Variants in NUP153 observed in about 807,000 individuals in gnomAD.
NUP153 encodes nuclear pore complex protein Nup153.
In NUP153, 27 loss-of-function variants were observed where a neutral mutation model predicts 134.6. That is an observed-to-expected ratio of 0.20 (90% CI 0.15 to 0.28). The LOEUF (loss-of-function observed/expected upper bound fraction) is 0.28, where lower values mean the gene tolerates loss of function less well. Among genes scored for constraint, NUP153 ranks in the 10% least tolerant of loss-of-function variants. NUP153 has a pLI of 1.00. For missense variants in NUP153, 1,821 were observed against 1,731.3 expected (o/e 1.05, Z -0.92); for synonymous variants, 640 against 623.5 (o/e 1.03, Z -0.40).
chr6:17,646,168 G>C lies in NUP153; in HGVS notation c.1633-14C>G. On this transcript the variant is annotated splice_polypyrimidine_tract_variant and intron_variant, in intron 13 of 21. Coordinates refer to ENST00000262077, the MANE Select transcript of NUP153 (RefSeq NM_005124.4). ...TGTAAATCCAATCTGTAAAGAGAAA[G>C]AATATCCTTATACTTCGTTTTCAAT... is the stretch of plus-strand genomic sequence containing the variant. The C allele has an allele frequency of 2.1e-6, 3 of 1,407,212 alleles. No homozygotes were observed. Among genetic ancestry groups the C allele is most frequent in the South Asian group, 2.3e-5 (2 of 85,686 alleles). 87.2% of individuals were successfully genotyped at this position (1,407,212 alleles called of 1,614,324 possible). A position where few individuals can be genotyped will look rare whatever the true frequency, so the allele number is the denominator to read the frequency against.
At chr6:17,657,975 G>A (rs116590042) in intron 11 of NUP153, among the ~76,000 whole-genome samples, 2,527 of 152,318 alleles carry the variant, frequency 0.017, 23 homozygotes, top group Non-Finnish European at 0.024. Flanking sequence ...TTAGACAAAA[G>A]ACAAGTTCGA....
intron 17 of NUP153, 74 bp from the exon 18 acceptor site, chr6:17,629,613 A>C (rs1250651638): frequency 7.3e-7 from 1 of 1,366,470 alleles, no homozygotes; most frequent in Non-Finnish European, 9.8e-7. Flanking sequence ...AACACTGTGA[A>C]AGCCAAAGAA....
chr6:17,687,734 T>C (rs1285379740), intron 2 of NUP153, among the ~76,000 whole-genome samples: 1 of 152,170 alleles, frequency 6.6e-6, no homozygotes, highest in Admixed American at 6.5e-5. Flanking sequence ...TTTCAAAACA[T>C]GTAGTGAAAG....
At chr6:17,698,546 G>A (rs767184106) in intron 1 of NUP153, among the ~76,000 whole-genome samples, 1 of 152,040 alleles carries the variant, frequency 6.6e-6, no homozygotes, top group African/African-American at 2.4e-5. Flanking sequence ...AGACCATCCC[G>A]GCTAACATGG....
At position 17,638,784 on chromosome 6, in the gene NUP153, C is replaced by T. The variant is rs12195526; in HGVS notation, c.1847-1014G>A. On this transcript the variant is annotated intron_variant, in intron 15 of 21. Coordinates refer to ENST00000262077, the MANE Select transcript of NUP153 (RefSeq NM_005124.4). This position sits in a 1 kb window ranked among gnomAD's most constrained non-coding sequence, Gnocchi z 4.0. ...CCAGATACACAAGACAGACTATACA[C>T]ATTTGAGGCTTGCCTACTACTTGGT... 6.6e-6 allele frequency among the ~76,000 whole-genome samples: 1 copy of T among 152,104 alleles called. No individual in the cohort carries two copies. The highest frequency in any genetic ancestry group is 6.5e-5 in the Admixed American group (1 of 15,272).
chr6:17,660,213 C>T (rs926442453), intron 11 of NUP153, among the ~76,000 whole-genome samples: 1 of 152,140 alleles, frequency 6.6e-6, no homozygotes, highest in African/African-American at 2.4e-5. Flanking sequence ...TCAACCAAAA[C>T]ATGATTTTGT....
chr6:17,663,250 C>G (rs1767308416), intron 9 of NUP153, among the ~76,000 whole-genome samples: 3 of 136,438 alleles, frequency 2.2e-5, no homozygotes, highest in Non-Finnish European at 5.1e-5. Context: ...CACACACACA[C>G]ACACACACAC....
At chr6:17,641,922 T>C (rs1412453445) in intron 14 of NUP153, among the ~76,000 whole-genome samples, 1 of 152,070 alleles carries the variant, frequency 6.6e-6, no homozygotes, top group Non-Finnish European at 1.5e-5. Context: ...AAATAGTATA[T>C]GGGGATTCAG....
At chr6:17,653,110 G>A (rs367780735) in intron 11 of NUP153, among the ~76,000 whole-genome samples, 6 of 152,182 alleles carry the variant, frequency 3.9e-5, no homozygotes, top group South Asian at 2.1e-4. Context: ...AAAATTAGCC[G>A]GGCATGGCAG....
rs771364626 is a variant in NUP153 at position 17,637,723 on chromosome 6, T to C, written c.1894A>G (p.Thr632Ala). ...IDSVAAQPTA[T>A]SPVVYTRPAI... Reference sequence around the variant, plus strand: ...GGTCTTGTATAAACTACTGGGCTTGTTGCGGTGGGCTGAGCAGCAACAGAA... The same window carrying C: ...GGTCTTGTATAAACTACTGGGCTTGCTGCGGTGGGCTGAGCAGCAACAGAA... The change falls in exon 16 of 22, where the codon ACA (threonine) becomes GCA (alanine). Residue 632 changes from threonine to alanine, a missense_variant. Thr to Ala is a moderately conservative substitution (Grantham distance 58, BLOSUM62 0). Coordinates refer to ENST00000262077, the MANE Select transcript of NUP153 (RefSeq NM_005124.4). The C allele has an allele frequency of 8.7e-6, 14 of 1,606,574 alleles. No homozygotes were observed. Among genetic ancestry groups the C allele is most frequent in the South Asian group, 3.3e-5 (3 of 91,088 alleles).
chr6:17,647,695 G>T, intron 13 of NUP153, 112 bp downstream of exon 13: 1 of 715,514 alleles, frequency 1.4e-6, no homozygotes, highest in Non-Finnish European at 2.4e-6. Flanking sequence ...TATTTTTTAA[G>T]TTGGAAGAAA....
At chr6:17,655,611 A>T (rs1434968748) in intron 11 of NUP153, among the ~76,000 whole-genome samples, 5 of 151,568 alleles carry the variant, frequency 3.3e-5, no homozygotes. Context: ...CCGCCATCAC[A>T]CCCGGCTAAT....
At chr6:17,660,413 G>A (rs1767108188) in intron 11 of NUP153, among the ~76,000 whole-genome samples, 1 of 151,970 alleles carries the variant, frequency 6.6e-6, no homozygotes, top group Non-Finnish European at 1.5e-5. Context: ...AATGAGACTT[G>A]CATTCAACTT....
In NUP153 at chr6:17,649,259, G is replaced by A. The variant is rs1306897108; in HGVS notation, c.1437C>T (p.Ile479=). The A allele has an allele frequency of 6.2e-7, 1 of 1,613,706 alleles. No individual in the cohort carries two copies. The highest frequency in any genetic ancestry group is 2.2e-5 in the East Asian group (1 of 44,824). Residue 479 remains isoleucine, a synonymous_variant, in exon 12 of 22, where the codon ATC becomes ATT. Transcript: ENST00000262077. Reference sequence around the variant, plus strand: ...TAAAGGTAGGCAGTGAAGAACTGGTGATCGGTAGAGAGATTTTCGGTAATA... The same window carrying A: ...TAAAGGTAGGCAGTGAAGAACTGGTAATCGGTAGAGAGATTTTCGGTAATA... ...VPVLPKISLP[I]TSSSLPTFNF...
At chr6:17,654,144 T>C in intron 11 of NUP153, among the ~76,000 whole-genome samples, 1 of 152,204 alleles carries the variant, frequency 6.6e-6, no homozygotes, top group Admixed American at 6.5e-5. Context: ...CATAATCAAC[T>C]GAGGGAGGAG....
At chr6:17,654,478 C>T (rs1045052528) in intron 11 of NUP153, among the ~76,000 whole-genome samples, 1 of 152,126 alleles carries the variant, frequency 6.6e-6, no homozygotes, top group Non-Finnish European at 1.5e-5. Context: ...CCTGCCACTA[C>T]GCCCAGCTAA....
At chr6:17,701,557 G>A (rs1286523129) in intron 1 of NUP153, among the ~76,000 whole-genome samples, 2 of 151,230 alleles carry the variant, frequency 1.3e-5, no homozygotes, top group African/African-American at 4.9e-5. Context: ...AGCTACTCGG[G>A]AGGCTGAGGC....
At chr6:17,660,852 G>A (rs1453464707) in intron 11 of NUP153, among the ~76,000 whole-genome samples, 1 of 152,188 alleles carries the variant, frequency 6.6e-6, no homozygotes, top group Non-Finnish European at 1.5e-5. Flanking sequence ...TGTGCAGACA[G>A]AAAAGTGCAT....
At chr6:17,641,760 CA>C (rs1217414394) in intron 14 of NUP153, among the ~76,000 whole-genome samples, 1 of 151,342 alleles carries the variant, frequency 6.6e-6, no homozygotes, top group Non-Finnish European at 1.5e-5. Flanking sequence ...GAGGCTGAGG[CA>C]AAATGGAGTG....
Sources: allele counts gnomAD v4.1 joint callset (sites outside exome capture counted in the v4.1 genomes callset), GRCh38; gene constraint gnomAD v4.1.1; non-coding constraint Gnocchi (gnomAD v3.1); transcripts MANE v1.5; gene names NCBI Gene and HGNC (gene_info 2026-07-23, HGNC 2026-07-21).